The following TRABD2B variants were observed in gnomAD, a reference collection of about 807,000 sequenced individuals.
TRABD2B encodes the protein metalloprotease TIKI2.
Under a neutral mutation model 40.1 loss-of-function variants are expected in TRABD2B, and 14 were observed. The ratio of observed to expected loss-of-function variants is 0.35; its 90% CI spans 0.23 to 0.55. TRABD2B has a LOEUF of 0.55. Among genes scored for constraint, TRABD2B ranks in the 20% least tolerant of loss-of-function variants. The probability of loss-of-function intolerance (pLI) is 0.90; values close to 1 mark genes in which losing one functional copy is unlikely to be tolerated. For synonymous variants in TRABD2B, 263 were observed against 277.0 expected (o/e 0.95, Z 0.50); for missense variants, 541 against 648.6 (o/e 0.83, Z 1.80).
intron 2 of TRABD2B, among the ~76,000 whole-genome samples, chr1:47,956,699 G>A (rs1044173090): frequency 2.0e-5 from 3 of 152,264 alleles, no homozygotes; most frequent in Non-Finnish European, 4.4e-5. Context: ...GGTAAACAAA[G>A]TGGTGAGGAA....
chr1:47,912,462 C>A (rs774593776), intron 2 of TRABD2B, among the ~76,000 whole-genome samples: 6 of 152,106 alleles, frequency 3.9e-5, no homozygotes, highest in Non-Finnish European at 7.4e-5. Flanking sequence ...AAAACCCAGC[C>A]GTCTTTTGGT....
intron 2 of TRABD2B, chr1:47,819,201 T>A (rs1302145957): frequency 6.6e-6 from 1 of 152,206 alleles, no homozygotes; most frequent in African/African-American, 2.4e-5. Flanking sequence ...AGGATTCCGC[T>A]CTGCAGTTAG....
intron 2 of TRABD2B, among the ~76,000 whole-genome samples, chr1:47,976,528 C>T (rs977053662): frequency 6.6e-6 from 1 of 152,176 alleles, no homozygotes; most frequent in Admixed American, 6.5e-5. Context: ...AATATTTCTA[C>T]TCTCATGGAG....
chr1:47,908,526 G>C (rs1644708466), intron 2 of TRABD2B, among the ~76,000 whole-genome samples: 1 of 152,122 alleles, frequency 6.6e-6, no homozygotes, highest in Admixed American at 6.5e-5. Context: ...GGACGGACCT[G>C]GTGCCTGGGA....
In TRABD2B at chr1:47,970,832, A is replaced by G. The variant is rs181495314; in HGVS notation, c.666+23202T>C. On this transcript the variant is annotated intron_variant, in intron 2 of 6. Transcript: ENST00000606738. The stretch of plus-strand genomic sequence containing the variant: ...TTCTCATGGTGATGGCAGAGGCACG[A>G]GAGGATGAGCTCAACTAAAGCAAGC... Among the ~76,000 whole-genome samples, 7 of 152,244 alleles carry G rather than the reference A, an allele frequency of 4.6e-5. No homozygotes were observed. The East Asian group carries it at 1.4e-3, about 30-fold the overall frequency.
chr1:47,923,872 T>C (rs1347100893), intron 2 of TRABD2B, among the ~76,000 whole-genome samples: 2 of 150,338 alleles, frequency 1.3e-5, no homozygotes, highest in Non-Finnish European at 3.0e-5. Context: ...GCCAATTCCA[T>C]AAAATCAATC....
chr1:47,778,143 T>C (rs1644472871), intron 5 of TRABD2B, among the ~76,000 whole-genome samples: 2 of 152,130 alleles, frequency 1.3e-5, no homozygotes, highest in South Asian at 4.2e-4. Context: ...AGCCACAGTC[T>C]TCCAAGCAGC....
chr1:47,809,467 C>A (rs1644933859), intron 2 of TRABD2B, among the ~76,000 whole-genome samples: 2 of 152,336 alleles, frequency 1.3e-5, no homozygotes, highest in African/African-American at 4.8e-5. Context: ...TCCCATGGTG[C>A]AGAGCTGGGA....
At chr1:47,785,830 A>C (rs1335013216) in intron 4 of TRABD2B, among the ~76,000 whole-genome samples, 2 of 151,880 alleles carry the variant, frequency 1.3e-5, no homozygotes, top group African/African-American at 4.8e-5. Flanking sequence ...ACACCCCAGG[A>C]CTCCTGGGAG....
At chr1:47,928,448 T>A (rs1165697788) in intron 2 of TRABD2B, among the ~76,000 whole-genome samples, 1 of 152,254 alleles carries the variant, frequency 6.6e-6, no homozygotes, top group Non-Finnish European at 1.5e-5. Context: ...TCATGTTTGA[T>A]GTTCACAAGC....
chr1:47,800,353 C>T (rs1339514132), intron 3 of TRABD2B, among the ~76,000 whole-genome samples: 1 of 152,164 alleles, frequency 6.6e-6, no homozygotes, highest in South Asian at 2.1e-4. Flanking sequence ...TAGTTAAATG[C>T]TGCAGGCAGA....
At chr1:47,816,204 G>A (rs930479186) in intron 2 of TRABD2B, among the ~76,000 whole-genome samples, 7 of 152,168 alleles carry the variant, frequency 4.6e-5, no homozygotes, top group African/African-American at 7.2e-5. Flanking sequence ...CCTGGGGCCC[G>A]GGGTCTGGGC....
Position 47,997,004 on chromosome 1 carries a change from C to T in TRABD2B, c.-215G>A, listed in dbSNP as rs1230317681. ...GTTGGAAGAGGGAGACCCTCTAGGG[C>T]TGGGCCCCTCCCCCGGGCGCTCAAC... On this transcript the variant is annotated 5_prime_UTR_variant, in exon 1 of 7. Transcript: ENST00000606738. 50 of 1,082,724 alleles carry T rather than the reference C, an allele frequency of 4.6e-5. No homozygotes were observed. The highest frequency in any genetic ancestry group is 4.9e-5 in the Non-Finnish European group (44 of 894,126). The allele number at this position is 1,082,724 out of a possible 1,614,324, so 67.1% of individuals were successfully genotyped here. A position where few individuals can be genotyped will look rare whatever the true frequency, so the allele number is the denominator to read the frequency against.
At chr1:47,986,446 T>A (rs1424008499) in intron 2 of TRABD2B, among the ~76,000 whole-genome samples, 2 of 152,176 alleles carry the variant, frequency 1.3e-5, no homozygotes, top group Admixed American at 1.3e-4. Flanking sequence ...TGTGAGCACA[T>A]TTTGAGCTAG....
chr1:47,985,462 T>C (rs1188357588), intron 2 of TRABD2B, among the ~76,000 whole-genome samples: 1 of 152,200 alleles, frequency 6.6e-6, no homozygotes, highest in Admixed American at 6.5e-5. Flanking sequence ...CAGGTGCTGT[T>C]TGGAAAAGCC....
intron 2 of TRABD2B, among the ~76,000 whole-genome samples, chr1:47,875,674 C>CAAAAAAAAAA (rs10541556): frequency 1.1e-3 from 87 of 75,914 alleles, no homozygotes; most frequent in Admixed American, 1.9e-3. Flanking sequence ...AACCCTGTCT[C>CAAAAAAAAAA]AAAAAAAAAA....
At chr1:47,980,504 A>G (rs1645825918) in intron 2 of TRABD2B, among the ~76,000 whole-genome samples, 1 of 152,214 alleles carries the variant, frequency 6.6e-6, no homozygotes, top group Admixed American at 6.5e-5. Context: ...ACTCAACAGT[A>G]CACTAACACA....
chr1:47,992,459 C>T (rs947144383), intron 2 of TRABD2B, among the ~76,000 whole-genome samples: 6 of 152,156 alleles, frequency 3.9e-5, no homozygotes, highest in African/African-American at 1.4e-4. Context: ...TGTGTGTGCT[C>T]CCTTCAGCCT....
chr1:47,796,533 T>C (rs1046195533), intron 3 of TRABD2B, among the ~76,000 whole-genome samples: 2 of 152,216 alleles, frequency 1.3e-5, no homozygotes, highest in Admixed American at 6.5e-5. Flanking sequence ...TAAGGGACTC[T>C]AAGGAGGCTA....
Sources: allele counts gnomAD v4.1 joint callset (sites outside exome capture counted in the v4.1 genomes callset), GRCh38; gene constraint gnomAD v4.1.1; transcripts MANE v1.5; gene names NCBI Gene and HGNC (gene_info 2026-07-23, HGNC 2026-07-21).